The following ASIC2 variants were observed in gnomAD, a reference collection of about 807,000 sequenced individuals.
ASIC2 encodes the protein acid-sensing ion channel 2.
Under a neutral mutation model 57.3 loss-of-function variants are expected in ASIC2, and 25 were observed. The ratio of observed to expected loss-of-function variants is 0.44; its 90% CI spans 0.32 to 0.61. The LOEUF (loss-of-function observed/expected upper bound fraction) is 0.61, where lower values mean the gene tolerates loss of function less well. ASIC2 is among the 20% of genes least tolerant of loss of function. The pLI is 0.06. For missense variants in ASIC2, 641 were observed against 738.1 expected, an observed-to-expected ratio of 0.87 and a Z score of 1.52; for synonymous variants, 319 against 307.5, an observed-to-expected ratio of 1.04 and a Z score of -0.39.
At chr17:33,291,385 G>A in intron 1 of ASIC2, 23 bp downstream of exon 1, 1 of 1,579,486 alleles carries the variant, frequency 6.3e-7, no homozygotes, top group Middle Eastern at 2.3e-4. Context: ...AGAGGGAGCG[G>A]GTTCGCGCGG....
At chr17:34,030,751 C>T (rs1319920268) in intron 1 of ASIC2, among the ~76,000 whole-genome samples, 1 of 152,198 alleles carries the variant, frequency 6.6e-6, no homozygotes, top group African/African-American at 2.4e-5. Context: ...CGGAGTCTTG[C>T]TCATTGCTAG....
At chr17:34,143,093 A>T (rs1273938480) in intron 1 of ASIC2, 1 of 152,234 alleles carries the variant, frequency 6.6e-6, no homozygotes, top group African/African-American at 2.4e-5. Flanking sequence ...GAGTATCGTA[A>T]TTATATGCCC....
intron 2 of ASIC2, among the ~76,000 whole-genome samples, chr17:33,107,727 T>G (rs949275712): frequency 6.6e-6 from 1 of 152,234 alleles, no homozygotes; most frequent in African/African-American, 2.4e-5. Context: ...TTTGTTAACT[T>G]ACTCCTTGGT....
intron 1 of ASIC2, among the ~76,000 whole-genome samples, chr17:33,305,831 A>G (rs894049691): frequency 3.3e-5 from 5 of 152,248 alleles, no homozygotes; most frequent in Admixed American, 1.3e-4. Context: ...ATTCAGAAAA[A>G]TGACACTTCT....
intron 1 of ASIC2, among the ~76,000 whole-genome samples, chr17:34,076,251 C>T (rs1184872642): frequency 1.3e-5 from 2 of 152,012 alleles, no homozygotes; most frequent in Non-Finnish European, 2.9e-5. Context: ...GTGATCCACC[C>T]GCCTTGGCCT....
intron 1 of ASIC2, among the ~76,000 whole-genome samples, chr17:33,271,970 G>T (rs1904509567): frequency 2.0e-5 from 3 of 152,178 alleles, no homozygotes; most frequent in Non-Finnish European, 2.9e-5. Context: ...CTCTGCTCAA[G>T]ACATACAGGC....
At chr17:33,099,448 G>A (rs2092201687) in intron 2 of ASIC2, among the ~76,000 whole-genome samples, 1 of 152,230 alleles carries the variant, frequency 6.6e-6, no homozygotes, top group African/African-American at 2.4e-5. Flanking sequence ...ATGCGTCCAT[G>A]TTGGGGAAGG....
rs569787552 is a variant in ASIC2 at position 33,928,283 on chromosome 17, T to C, written c.555+227695A>G. 1.8e-4 allele frequency among the ~76,000 whole-genome samples: 27 copies of C among 152,306 alleles called. 2 individuals are homozygous for C. Among genetic ancestry groups the C allele is most frequent in the African/African-American group, 6.3e-4 (26 of 41,566 alleles). On this transcript the variant is annotated intron_variant, in intron 1 of 9. Coordinates refer to the ASIC2 transcript ENST00000359872. ...TGTTCTAACTCAATGTGCTGGACAG[T>C]TGTGCCTCTTCCCACCAGCATAGTG...
At chr17:33,383,897 G>C (rs144542121) in intron 1 of ASIC2, among the ~76,000 whole-genome samples, 4 of 152,202 alleles carry the variant, frequency 2.6e-5, no homozygotes, top group Non-Finnish European at 4.4e-5. Flanking sequence ...GGATTGGAAG[G>C]GGGTGGCGTG....
Position 33,330,312 on chromosome 17 carries a change from C to T in ASIC2, c.556-218245G>A, listed in dbSNP as rs559602901. On this transcript the variant is annotated intron_variant, in intron 1 of 9. Coordinates refer to the ASIC2 transcript ENST00000359872. ...TAGACACCTACAGTCTCCCAAGTTTCCCAGCTCATTCTGTGCTTCTCAAGT... is the reference window on the plus strand; with the variant it reads ...TAGACACCTACAGTCTCCCAAGTTTTCCAGCTCATTCTGTGCTTCTCAAGT... Among the ~76,000 whole-genome samples, 7 of 152,270 alleles carry T rather than the reference C, an allele frequency of 4.6e-5. No individual in the cohort carries two copies. In the East Asian group the frequency reaches 9.7e-4, roughly 21 times the overall value.
At chr17:33,584,938 G>C (rs1355465770) in intron 1 of ASIC2, among the ~76,000 whole-genome samples, 1 of 152,096 alleles carries the variant, frequency 6.6e-6, no homozygotes, top group East Asian at 1.9e-4. Context: ...GGGGATGGAG[G>C]GAAAACGTCA....
rs557020846 is a variant in ASIC2, at chr17:34,136,904, T to C, written c.555+19074A>G. 2.0e-5 allele frequency among the ~76,000 whole-genome samples: 3 copies of C among 152,284 alleles called. No homozygotes were observed. The East Asian group carries it at 5.8e-4, about 29-fold the overall frequency. On this transcript the variant is annotated intron_variant, in intron 1 of 9. Transcript: ENST00000359872. ...GCAGCATTGTCTCCCAAGCCCACAT[T>C]TTGCATACTCTGGACCCACCTGTCT...
At chr17:33,708,744 C>T (rs959293506) in intron 1 of ASIC2, among the ~76,000 whole-genome samples, 2 of 152,142 alleles carry the variant, frequency 1.3e-5, no homozygotes, top group African/African-American at 4.8e-5. Context: ...CTCCCCTTTC[C>T]TCTCCCAAAT....
At chr17:33,038,452 T>G (rs947595849) in intron 3 of ASIC2, among the ~76,000 whole-genome samples, 1 of 152,078 alleles carries the variant, frequency 6.6e-6, no homozygotes, top group Admixed American at 6.6e-5. Flanking sequence ...GGGAGAGAGA[T>G]CTGGGCTACA....
intron 2 of ASIC2, among the ~76,000 whole-genome samples, chr17:33,103,346 A>T (rs946148877): frequency 2.6e-5 from 4 of 152,184 alleles, no homozygotes; most frequent in Non-Finnish European, 5.9e-5. Context: ...TGTAGATAAT[A>T]TTATTATTTT....
intron 1 of ASIC2, among the ~76,000 whole-genome samples, chr17:34,075,534 G>A (rs1156881073): frequency 6.6e-6 from 1 of 152,132 alleles, no homozygotes; most frequent in Non-Finnish European, 1.5e-5. Flanking sequence ...TAGTTAATTG[G>A]AGGAAGGGAA....
chr17:33,134,225 A>G (rs2092358844), intron 1 of ASIC2, among the ~76,000 whole-genome samples: 1 of 152,276 alleles, frequency 6.6e-6, no homozygotes, highest in Admixed American at 6.5e-5. Context: ...AGCCAAGCTC[A>G]GAAAGGTTAA....
chr17:33,442,147 C>T (rs1180365434), intron 1 of ASIC2, among the ~76,000 whole-genome samples: 1 of 152,146 alleles, frequency 6.6e-6, no homozygotes, highest in African/African-American at 2.4e-5. Flanking sequence ...TATGTCTATT[C>T]TTGTCATTAC....
chr17:33,128,024 T>C (rs1252172527), intron 1 of ASIC2, among the ~76,000 whole-genome samples: 1 of 152,222 alleles, frequency 6.6e-6, no homozygotes, highest in Non-Finnish European at 1.5e-5. Flanking sequence ...AACTCTGTGC[T>C]TTCAGACATG....
Sources: gnomAD v4.1 joint callset for allele counts (sites outside exome capture counted in the v4.1 genomes callset) on GRCh38, gnomAD v4.1.1 for gene constraint, MANE v1.5 for transcripts, NCBI Gene and HGNC (gene_info 2026-07-23, HGNC 2026-07-21) for gene names.